The following INTS8 variants were observed in gnomAD, a reference collection of about 807,000 sequenced individuals.
INTS8 encodes the protein integrator complex subunit 8.
A neutral mutation model predicts 138.9 loss-of-function variants in INTS8; 47 were observed. The ratio of observed to expected loss-of-function variants is 0.34; its 90% confidence interval spans 0.27 to 0.43. The LOEUF (loss-of-function observed/expected upper bound fraction) is 0.43. INTS8 is among the 20% of genes least tolerant of loss of function. The pLI is 1.00. For missense variants in INTS8, 996 were observed against 1,173.0 expected, an observed-to-expected ratio of 0.85 and a Z score of 2.20; for synonymous variants, 392 against 400.9, an observed-to-expected ratio of 0.98 and a Z score of 0.27.
At chr8:94,876,324 A>G in intron 25 of INTS8, 39 bp downstream of exon 25, 1 of 1,513,208 alleles carries the variant, frequency 6.6e-7, no homozygotes, top group Non-Finnish European at 9.1e-7. Flanking sequence ...AGAATGATCC[A>G]TTTTTATAAA....
At chr8:94,829,801 T>C (rs1385967472) in intron 5 of INTS8, among the ~76,000 whole-genome samples, 1 of 152,208 alleles carries the variant, frequency 6.6e-6, no homozygotes, top group Non-Finnish European at 1.5e-5. Flanking sequence ...AGAAACTGAT[T>C]TTACAGGTGA....
Position 94,836,518 on chromosome 8 carries a change from T to C in INTS8, c.754-6T>C. The C allele has an allele frequency of 6.2e-7, 1 of 1,609,522 alleles. No individual in the cohort carries two copies. Among genetic ancestry groups the C allele is most frequent in the Non-Finnish European group, 8.5e-7 (1 of 1,176,406 alleles). On this transcript the variant is annotated splice_region_variant and splice_polypyrimidine_tract_variant and intron_variant, in intron 6 of 26. Transcript: ENST00000523731. ...TTAAGCAAATTGGTGTTCATTATTATTTCAGGTGTGCTATGATTTGGGCGC... is the reference window on the plus strand; with the variant it reads ...TTAAGCAAATTGGTGTTCATTATTACTTCAGGTGTGCTATGATTTGGGCGC...
At chr8:94,837,970 A>G (rs778871639) in intron 7 of INTS8, among the ~76,000 whole-genome samples, 7 of 152,082 alleles carry the variant, frequency 4.6e-5, no homozygotes, top group African/African-American at 1.7e-4. Context: ...CCTATGAGCA[A>G]TAGTTTTTTG....
chr8:94,857,938 G>A (rs1391524689), intron 15 of INTS8, among the ~76,000 whole-genome samples: 5 of 152,234 alleles, frequency 3.3e-5, no homozygotes, highest in Non-Finnish European at 7.3e-5. Flanking sequence ...GTCCTTGAGT[G>A]TACAGATTGA....
chr8:94,857,069 A>G, intron 15 of INTS8, 91 bp downstream of exon 15: 3 of 867,598 alleles, frequency 3.5e-6, no homozygotes, highest in Non-Finnish European at 5.2e-6. Context: ...TGAGTTTGTA[A>G]TCTTTTTTTT....
intron 20 of INTS8, among the ~76,000 whole-genome samples, chr8:94,869,783 GC>G (rs1554614635): frequency 6.6e-6 from 1 of 151,606 alleles, no homozygotes; most frequent in Non-Finnish European, 1.5e-5. Flanking sequence ...GAGCCACTGC[GC>G]CCCACCTAAT....
Position 94,876,293 on chromosome 8 carries a change from T to C in INTS8, c.2827+8T>C. ...TTTTGGAATACTTGACTTGTATCCT[T>C]TCATCCATGTGTGTGATGTTAGAAT... On this transcript the variant is annotated splice_region_variant and intron_variant, in intron 25 of 26. Transcript: ENST00000523731. 2.5e-6 allele frequency: 4 copies of C among 1,596,106 alleles called. No individual in the cohort carries two copies. Among genetic ancestry groups the C allele is most frequent in the Non-Finnish European group, 1.7e-6 (2 of 1,164,298 alleles).
intron 20 of INTS8, 64 bp downstream of exon 20, chr8:94,867,401 G>T (rs1816219576): frequency 1.7e-6 from 2 of 1,168,228 alleles, no homozygotes; most frequent in Non-Finnish European, 2.5e-6. Flanking sequence ...ATTCTGACTA[G>T]TATAGATACC....
rs773854779 is a variant in INTS8 at position 94,873,490 on chromosome 8, C to T, written c.2637+13C>T. On this transcript the variant is annotated intron_variant, in intron 22 of 26. Transcript: ENST00000523731. Reference sequence around the variant, plus strand: ...TTATACAGACCAGGTGAATTGTTTTCGTGGGCTGGCTGGTTTCTTGCCTAC... The same window carrying T: ...TTATACAGACCAGGTGAATTGTTTTTGTGGGCTGGCTGGTTTCTTGCCTAC... The T allele has an allele frequency of 9.0e-6, 14 of 1,557,474 alleles. No homozygotes were observed. Among genetic ancestry groups the T allele is most frequent in the South Asian group, 4.5e-5 (4 of 89,788 alleles).
At chr8:94,859,415 G>A (rs1815871244) in intron 15 of INTS8, 96 bp from the exon 16 acceptor site, 3 of 1,284,462 alleles carry the variant, frequency 2.3e-6, no homozygotes, top group South Asian at 1.3e-5. Context: ...TACCCGTCCT[G>A]TTTTTTTATT....
In INTS8 at chr8:94,869,766, C is replaced by T. The variant is rs568058075; in HGVS notation, c.2415-2118C>T. Among the ~76,000 whole-genome samples the T allele has an allele frequency of 3.3e-5, 5 of 152,342 alleles. No homozygotes were observed. The East Asian group carries it at 5.8e-4, about 18-fold the overall frequency. ...TCGGCCTCCCAAAGTGCTGGGATTA[C>T]AGGCATGAGCCACTGCGCCCCACCT... On this transcript the variant is annotated intron_variant, in intron 20 of 26. Transcript: ENST00000523731.
chr8:94,823,614 GC>G, intron 1 of INTS8, 53 bp downstream of exon 1: 1 of 1,401,576 alleles, frequency 7.1e-7, no homozygotes, highest in Non-Finnish European at 9.7e-7. Context: ...GGCGCTGTCC[GC>G]CCAGCTTCCC....
At chr8:94,857,069 ATCTT>A in intron 15 of INTS8, 91 bp downstream of exon 15, 1 of 867,598 alleles carries the variant, frequency 1.2e-6, no homozygotes, top group Non-Finnish European at 1.7e-6. Context: ...TGAGTTTGTA[ATCTT>A]TTTTTTTTTT....
intron 14 of INTS8, among the ~76,000 whole-genome samples, chr8:94,855,442 T>G (rs558248737): frequency 6.6e-6 from 1 of 152,332 alleles, no homozygotes; most frequent in African/African-American, 2.4e-5. Context: ...CCACATCTTA[T>G]CTAGTGGCTG....
intron 10 of INTS8, among the ~76,000 whole-genome samples, chr8:94,844,677 A>G (rs74904443): frequency 0.034 from 5,099 of 151,616 alleles, 90 homozygotes; most frequent in Non-Finnish European, 0.04. Context: ...TTTTTGTAGG[A>G]GATCTATATA....
intron 16 of INTS8, among the ~76,000 whole-genome samples, chr8:94,863,107 A>G (rs1816053537): frequency 6.6e-6 from 1 of 152,246 alleles, no homozygotes; most frequent in South Asian, 2.1e-4. Context: ...GCAGTGTCAC[A>G]TAATGGAAAG....
Position 94,867,335 on chromosome 8 carries a change from C to A in INTS8, c.2412C>A (p.Pro804=), listed in dbSNP as rs767513712. 13 of 1,605,776 alleles carry A rather than the reference C, an allele frequency of 8.1e-6. 1 individual carries two copies. In the South Asian group the frequency reaches 1.4e-4, roughly 18 times the overall value. Residue 804 remains proline, a splice_region_variant and synonymous_variant, in exon 20 of 27, where the codon CCC becomes CCA. Transcript: ENST00000523731. The part of the protein sequence containing the change: ...EHISIWPSSI[P]NLQSVDFEAV... The stretch of plus-strand genomic sequence containing the variant: ...TTTCTATTTGGCCATCTTCCATTCC[C>A]AAGTAAGTAGTGGTATAGCTTTTAT...
chr8:94,850,611 C>CA lies in INTS8; in HGVS notation c.1507+540dup, dbSNP rs11313192. On this transcript the variant is annotated intron_variant, in intron 12 of 26. Transcript: ENST00000523731. ...TGGGTGACAGAGCGAGACTCCGACT[C>CA]AAAAAAAAAAAAAAAAAAAAGATTT... Among the ~76,000 whole-genome samples, 345 of 93,066 alleles carry CA rather than the reference C, an allele frequency of 3.7e-3. 2 individuals are homozygous for CA. Among genetic ancestry groups the CA allele is most frequent in the South Asian group, 9.4e-3 (25 of 2,650 alleles). The allele number at this position is 93,066 out of a possible 152,430, so 61.1% of individuals were successfully genotyped here.
Position 94,827,779 on chromosome 8 carries a change from C to G in INTS8, c.504C>G (p.Pro168=), listed in dbSNP as rs1209384851. 1 of 1,613,754 alleles carries G rather than the reference C, an allele frequency of 6.2e-7. No homozygotes were observed. Among genetic ancestry groups the G allele is most frequent in the African/African-American group, 1.3e-5 (1 of 74,920 alleles). The change falls in exon 4 of 27, where the codon CCC becomes CCG. Residue 168 remains proline (P), a synonymous_variant. Coordinates refer to ENST00000523731, the MANE Select transcript of INTS8 (RefSeq NM_017864.4). ...CAGTCAAACAGGCAAAACCCGGACC[C>G]CCTCAGTTAAGTGTGTAAGTTGGTG... The part of the protein sequence containing the change: ...SFPVKQAKPG[P]PQLSVMNQMQ...
Sources: gnomAD v4.1 joint callset for allele counts (sites outside exome capture counted in the v4.1 genomes callset) on GRCh38, gnomAD v4.1.1 for gene constraint, MANE v1.5 for transcripts, NCBI Gene and HGNC (gene_info 2026-07-23, HGNC 2026-07-21) for gene names.